Variants in PAM observed in about 807,000 individuals in gnomAD.
PAM encodes the protein peptidylglycine alpha-amidating monooxygenase, also known as peptidyl-glycine alpha-amidating monooxygenase.
Under a neutral mutation model 122.1 loss-of-function variants are expected in PAM, and 72 were observed. That is an observed-to-expected ratio of 0.59 (90% CI 0.49 to 0.72). The LOEUF (loss-of-function observed/expected upper bound fraction) is 0.72. Among genes scored for constraint, PAM ranks in the 30% least tolerant of loss-of-function variants. PAM has a pLI of 0.00. For synonymous variants in PAM, 389 were observed against 404.4 expected (o/e 0.96, Z 0.46); for missense variants, 1,106 against 1,183.7 (o/e 0.93, Z 0.96).
At chr5:102,771,679 G>GTTTA (rs1461662745) in intron 1 of PAM, among the ~76,000 whole-genome samples, 1 of 152,114 alleles carries the variant, frequency 6.6e-6, no homozygotes, top group East Asian at 1.9e-4. Context: ...GGAAATGGAT[G>GTTTA]TTTACACTGT....
chr5:102,829,609 C>T (rs529059358), intron 1 of PAM, among the ~76,000 whole-genome samples: 2 of 152,226 alleles, frequency 1.3e-5, no homozygotes, highest in South Asian at 4.2e-4. Flanking sequence ...CTCCTGACCT[C>T]ATGATCCGCT....
intron 7 of PAM, among the ~76,000 whole-genome samples, chr5:102,942,366 A>C (rs1453226825): frequency 6.6e-6 from 1 of 152,104 alleles, no homozygotes; most frequent in Non-Finnish European, 1.5e-5. Context: ...AGATCAAAAC[A>C]GCTTAATAGT....
intron 14 of PAM, among the ~76,000 whole-genome samples, chr5:102,972,685 A>AT (rs1356318987): frequency 2.0e-5 from 3 of 152,240 alleles, no homozygotes; most frequent in African/African-American, 7.2e-5. Context: ...TTTATATTTA[A>AT]TGTGTGGTAC....
At chr5:102,882,098 T>TACACAC (rs1791421247) in intron 3 of PAM, among the ~76,000 whole-genome samples, 1 of 82,644 alleles carries the variant, frequency 1.2e-5, no homozygotes, top group African/African-American at 4.7e-5. Flanking sequence ...TATATATATA[T>TACACAC]ATATATATAT....
intron 3 of PAM, among the ~76,000 whole-genome samples, chr5:102,894,637 C>T (rs1056302447): frequency 6.6e-6 from 1 of 151,666 alleles, no homozygotes; most frequent in Admixed American, 6.6e-5. Flanking sequence ...GACCCAACTG[C>T]CCCTTTGACA....
At chr5:103,008,051 T>C (rs1375356704) in intron 20 of PAM, among the ~76,000 whole-genome samples, 1 of 152,076 alleles carries the variant, frequency 6.6e-6, no homozygotes. Flanking sequence ...TAGTGACCAA[T>C]TTTTTTAAAG....
chr5:102,996,330 G>A (rs1263259418), intron 16 of PAM, among the ~76,000 whole-genome samples: 2 of 152,180 alleles, frequency 1.3e-5, no homozygotes, highest in Non-Finnish European at 2.9e-5. Context: ...CCTGTAAAAA[G>A]TTAAATGTAG....
At chr5:102,824,268 G>A (rs935979354) in intron 1 of PAM, among the ~76,000 whole-genome samples, 2 of 152,184 alleles carry the variant, frequency 1.3e-5, no homozygotes, top group South Asian at 2.1e-4. Flanking sequence ...ACCAAATTCC[G>A]TGGCGAGGAG....
At chr5:102,768,831 C>A (rs1206178054) in intron 1 of PAM, among the ~76,000 whole-genome samples, 3 of 152,104 alleles carry the variant, frequency 2.0e-5, no homozygotes, top group African/African-American at 7.2e-5. Context: ...GATTTCATTT[C>A]TTTTGGGTAT....
chr5:102,977,923 T>G (rs1220828250), intron 15 of PAM, among the ~76,000 whole-genome samples: 1 of 152,160 alleles, frequency 6.6e-6, no homozygotes, highest in South Asian at 2.1e-4. Context: ...AATAGTATAC[T>G]CCTCGCAGAG....
chr5:102,910,766 T>C (rs1801154450), intron 4 of PAM, among the ~76,000 whole-genome samples: 2 of 151,844 alleles, frequency 1.3e-5, no homozygotes. Context: ...CCTCTAGCTC[T>C]CTTCCCCTTG....
intron 1 of PAM, among the ~76,000 whole-genome samples, chr5:102,767,549 T>A (rs1561388845): frequency 6.6e-6 from 1 of 152,178 alleles, no homozygotes; most frequent in Non-Finnish European, 1.5e-5. Context: ...TTAAGAAGCC[T>A]ATTGTAGGAA....
chr5:102,779,907 A>ATATG (rs1474772851), intron 1 of PAM, among the ~76,000 whole-genome samples: 1 of 108,704 alleles, frequency 9.2e-6, no homozygotes, highest in Non-Finnish European at 1.8e-5. Flanking sequence ...ATATATATAT[A>ATATG]TATATATATA....
chr5:103,004,767 T>C (rs181037110), intron 17 of PAM, among the ~76,000 whole-genome samples: 1 of 152,346 alleles, frequency 6.6e-6, no homozygotes, highest in Non-Finnish European at 1.5e-5. Context: ...CAACATGTTT[T>C]AACCGCAAAC....
intron 1 of PAM, among the ~76,000 whole-genome samples, chr5:102,834,300 G>A (rs1776303648): frequency 6.6e-6 from 1 of 152,030 alleles, no homozygotes; most frequent in Non-Finnish European, 1.5e-5. Context: ...TAATATTATA[G>A]TTTACAGGTA....
intron 1 of PAM, among the ~76,000 whole-genome samples, chr5:102,855,812 T>A (rs961244221): frequency 6.6e-6 from 1 of 152,202 alleles, no homozygotes; most frequent in Admixed American, 6.5e-5. Flanking sequence ...CCACATCCAC[T>A]GAAGCCCGGT....
At position 102,976,989 on chromosome 5, in the gene PAM, T is replaced by C. The variant is rs552656102; in HGVS notation, c.1483+2553T>C. On this transcript the variant is annotated intron_variant, in intron 15 of 25. Transcript: ENST00000438793. ...TGGAGATTTCTATTCAGAACCCTGATCTGATGTCCCCAGTTGTTGACACCA... is the reference window on the plus strand; with the variant it reads ...TGGAGATTTCTATTCAGAACCCTGACCTGATGTCCCCAGTTGTTGACACCA... Among the ~76,000 whole-genome samples, 3 of 152,302 alleles carry C rather than the reference T, an allele frequency of 2.0e-5. No homozygotes were observed. The East Asian group carries it at 5.8e-4, about 29-fold the overall frequency.
intron 7 of PAM, among the ~76,000 whole-genome samples, chr5:102,944,398 C>T (rs1028328155): frequency 2.6e-5 from 4 of 151,550 alleles, no homozygotes; most frequent in African/African-American, 9.7e-5. Flanking sequence ...TAACCTGGCG[C>T]CCAACCCAAT....
At chr5:102,758,533 CAAATAGCTCA>C (rs1751342567) in intron 1 of PAM, among the ~76,000 whole-genome samples, 2 of 152,160 alleles carry the variant, frequency 1.3e-5, no homozygotes, top group South Asian at 4.1e-4. Context: ...AAACCACATA[CAAATAGCTCA>C]AAAGATGGGC....
Sources: allele counts gnomAD v4.1 joint callset (sites outside exome capture counted in the v4.1 genomes callset), GRCh38; gene constraint gnomAD v4.1.1; transcripts MANE v1.5; gene names NCBI Gene and HGNC (gene_info 2026-07-23, HGNC 2026-07-21).